TMEM248: variants seen among roughly 807,000 people sequenced by gnomAD.
TMEM248 encodes the protein UPF0458 protein C7orf42.
A neutral mutation model predicts 30.3 loss-of-function variants in TMEM248; 9 were observed. The observed-to-expected ratio is 0.30, with a 90% CI of 0.18 to 0.52. The LOEUF (loss-of-function observed/expected upper bound fraction) is 0.52, where lower values mean the gene tolerates loss of function less well. Ranked by LOEUF, TMEM248 falls within the 20% of genes least tolerant of loss-of-function variation. TMEM248 has a pLI of 0.97. For synonymous variants in TMEM248, 184 were observed against 154.4 expected, an observed-to-expected ratio of 1.19 and a Z score of -1.42; for missense variants, 338 against 403.3, an observed-to-expected ratio of 0.84 and a Z score of 1.39.
chr7:66,933,121 A>G (rs765269522), intron 1 of TMEM248, among the ~76,000 whole-genome samples: 9 of 152,052 alleles, frequency 5.9e-5, no homozygotes, highest in Admixed American at 5.2e-4. Flanking sequence ...CGACCTCCCA[A>G]AGTGCTGGGA....
At position 66,955,691 on chromosome 7, in the gene TMEM248, C is replaced by G; in HGVS notation, c.*169C>G. ...CTGATTTGTACATATTTATAAAAAT[C>G]TATTCAGAAATTGGTCCAATAATGC... is the stretch of plus-strand genomic sequence containing the variant. On this transcript the variant is annotated 3_prime_UTR_variant, in exon 7 of 7. Transcript: ENST00000341567. 1.1e-6 allele frequency: 1 copy of G among 875,136 alleles called. No individual in the cohort carries two copies. Among genetic ancestry groups the G allele is most frequent in the Non-Finnish European group, 1.7e-6 (1 of 580,994 alleles). The allele number at this position is 875,136 out of a possible 1,614,324, so 54.2% of individuals were successfully genotyped here. A position where few individuals can be genotyped will look rare whatever the true frequency, so the allele number is the denominator to read the frequency against.
chr7:66,953,091 ACCT>A (rs750406265), intron 5 of TMEM248, 132 bp from the exon 6 acceptor site: 26 of 951,880 alleles, frequency 2.7e-5, no homozygotes, highest in East Asian at 9.8e-5. Flanking sequence ...AAAAGGAGAA[ACCT>A]CCTCTTGCAG....
chr7:66,932,833 G>A (rs1373923056), intron 1 of TMEM248, among the ~76,000 whole-genome samples: 1 of 150,020 alleles, frequency 6.7e-6, no homozygotes, highest in African/African-American at 2.4e-5. Context: ...TTTTTTTATG[G>A]CAACTGTATG....
chr7:66,950,667 C>T (rs562627011), intron 4 of TMEM248, among the ~76,000 whole-genome samples: 1 of 152,298 alleles, frequency 6.6e-6, no homozygotes, highest in East Asian at 1.9e-4. Flanking sequence ...CTTTGCATCA[C>T]ATGTGAGAGG....
At chr7:66,925,896 CT>C (rs1791510276) in intron 1 of TMEM248, among the ~76,000 whole-genome samples, 1 of 151,948 alleles carries the variant, frequency 6.6e-6, no homozygotes, top group African/African-American at 2.4e-5. Context: ...CCGCCTCAGC[CT>C]CCCAAAGTGC....
rs1158087482 is a variant in TMEM248, at chr7:66,921,294, G to A, written c.-186G>A. The A allele has an allele frequency of 6.6e-6, 1 of 150,808 alleles. No individual in the cohort carries two copies. The highest frequency in any genetic ancestry group is 1.5e-5 in the Non-Finnish European group (1 of 67,616). The allele number at this position is 150,808 out of a possible 1,614,324, so 9.3% of individuals were successfully genotyped here. A position where few individuals can be genotyped will look rare whatever the true frequency, so the allele number is the denominator to read the frequency against. ...GGAGCCCGGTTGGCGTCTGGTCTTC[G>A]CGTCGGCCCCGCGGAGCCAGACGCT... On this transcript the variant is annotated 5_prime_UTR_variant, in exon 1 of 7. Coordinates refer to ENST00000341567, the MANE Select transcript of TMEM248 (RefSeq NM_017994.5).
intron 6 of TMEM248, among the ~76,000 whole-genome samples, chr7:66,954,663 T>C (rs1792360377): frequency 1.3e-5 from 2 of 152,140 alleles, no homozygotes; most frequent in Non-Finnish European, 2.9e-5. Flanking sequence ...TCTCAAAGAT[T>C]ACAGGTGATT....
chr7:66,935,972 T>C (rs1293664701), intron 1 of TMEM248, among the ~76,000 whole-genome samples: 1 of 152,266 alleles, frequency 6.6e-6, no homozygotes, highest in Non-Finnish European at 1.5e-5. Flanking sequence ...ATGGAGTATT[T>C]AGATTTATCC....
intron 1 of TMEM248, among the ~76,000 whole-genome samples, chr7:66,926,639 C>CAAAAAA (rs200106499): frequency 1.2e-5 from 1 of 86,576 alleles, no homozygotes; most frequent in Non-Finnish European, 2.4e-5. Context: ...CCATCTGAAA[C>CAAAAAA]AAAAAAAAAA....
chr7:66,945,042 A>G lies in TMEM248; in HGVS notation c.226A>G (p.Lys76Glu). The change falls in exon 3 of 7, where the codon AAG becomes GAG. Residue 76 changes from lysine to glutamate, a missense_variant. By Grantham distance (56) the Lys-to-Glu change is moderately conservative. Coordinates refer to ENST00000341567, the MANE Select transcript of TMEM248 (RefSeq NM_017994.5). ...DLCVSENETL[K>E]HLTNDTTTPE... ...GTGTGTATCAGAGAATGAAACCCTC[A>G]AGCATCTCACAAACGACACCACAAC... The G allele has an allele frequency of 1.2e-6, 2 of 1,614,208 alleles. No homozygotes were observed. Among genetic ancestry groups the G allele is most frequent in the Non-Finnish European group, 1.7e-6 (2 of 1,180,042 alleles).
At chr7:66,937,776 C>A (rs1031289047) in intron 1 of TMEM248, among the ~76,000 whole-genome samples, 1 of 151,970 alleles carries the variant, frequency 6.6e-6, no homozygotes, top group Non-Finnish European at 1.5e-5. Flanking sequence ...AATGGCGCGA[C>A]CTTGGCTCAC....
At chr7:66,927,662 G>A (rs1452489576) in intron 1 of TMEM248, among the ~76,000 whole-genome samples, 7 of 142,760 alleles carry the variant, frequency 4.9e-5, no homozygotes, top group African/African-American at 1.8e-4. Context: ...TCACTGTGTT[G>A]TCCAGGCTGG....
chr7:66,947,861 C>G (rs1792152446), intron 3 of TMEM248, among the ~76,000 whole-genome samples: 1 of 151,952 alleles, frequency 6.6e-6, no homozygotes, highest in Admixed American at 6.6e-5. Context: ...CTCCTGGGCT[C>G]AAGTGATCCT....
intron 2 of TMEM248, among the ~76,000 whole-genome samples, chr7:66,942,882 G>A: frequency 6.8e-6 from 1 of 147,770 alleles, no homozygotes; most frequent in Non-Finnish European, 1.5e-5. Flanking sequence ...GGAGGTGGGG[G>A]TGGGAGTGGG....
At chr7:66,941,356 G>T (rs995203577) in intron 1 of TMEM248, among the ~76,000 whole-genome samples, 1 of 145,004 alleles carries the variant, frequency 6.9e-6, no homozygotes, top group African/African-American at 2.6e-5. Flanking sequence ...TCCAGCCTGG[G>T]TCACAGAGTG....
At chr7:66,948,729 C>G in intron 4 of TMEM248, 35 bp downstream of exon 4, 1 of 1,583,022 alleles carries the variant, frequency 6.3e-7, no homozygotes, top group Non-Finnish European at 8.6e-7. Flanking sequence ...ACGTGCGTAA[C>G]AAGCTCCACT....
At chr7:66,944,266 G>A (rs563897125) in intron 2 of TMEM248, among the ~76,000 whole-genome samples, 19 of 148,914 alleles carry the variant, frequency 1.3e-4, no homozygotes, top group African/African-American at 4.0e-4. Flanking sequence ...CACCACACCC[G>A]GCTAATTATT....
intron 2 of TMEM248, among the ~76,000 whole-genome samples, chr7:66,943,417 G>T (rs769882262): frequency 7.2e-5 from 11 of 152,220 alleles, no homozygotes; most frequent in Non-Finnish European, 1.6e-4. Context: ...GCATTGTTGA[G>T]ATGCTGCGGA....
At position 66,950,960 on chromosome 7, in the gene TMEM248, C is replaced by T. The variant is rs1174004528; in HGVS notation, c.605C>T (p.Pro202Leu). The T allele has an allele frequency of 7.6e-6, 12 of 1,584,026 alleles. No individual in the cohort carries two copies. The East Asian group carries it at 1.1e-4, about 15-fold the overall frequency. ...PGVFPVTVQP[P>L]HCVPDTYSNA... ...CTCCTCTTCTCCTGCAGACAGCCAC[C>T]GCACTGTGTTCCTGACACGTACAGC... Residue 202 changes from proline to leucine, a missense_variant, in exon 5 of 7, where the codon CCG becomes CTG. Physicochemically the swap from Pro to Leu is moderately conservative, Grantham distance 98. Coordinates refer to ENST00000341567, the MANE Select transcript of TMEM248 (RefSeq NM_017994.5).
Sources: gnomAD v4.1 joint callset for allele counts (sites outside exome capture counted in the v4.1 genomes callset) on GRCh38, gnomAD v4.1.1 for gene constraint, MANE v1.5 for transcripts, NCBI Gene and HGNC (gene_info 2026-07-23, HGNC 2026-07-21) for gene names.